The following USH2A variants were observed in gnomAD, a reference collection of about 807,000 sequenced individuals.
The protein encoded by USH2A is usherin, also known as Usher syndrome 2A (autosomal recessive, mild).
In USH2A, 443 loss-of-function variants were observed where a neutral mutation model predicts 538.9. The observed-to-expected ratio is 0.82, with a 90% CI of 0.76 to 0.89. The LOEUF (loss-of-function observed/expected upper bound fraction) is 0.89. Ranked by LOEUF, USH2A falls within the 40% of genes least tolerant of loss-of-function variation. The pLI is 0.00. For missense variants in USH2A, 6,633 were observed against 6,324.8 expected (o/e 1.05, Z -1.65); for synonymous variants, 2,413 against 2,273.5 (o/e 1.06, Z -1.75).
intron 31 of USH2A, 30 bp from the exon 32 acceptor site, chr1:216,046,622 T>A: frequency 4.3e-6 from 7 of 1,612,866 alleles, no homozygotes; most frequent in Non-Finnish European, 5.9e-6. Flanking sequence ...TAGAGTCTAA[T>A]TTTAGTTTAC....
At chr1:216,162,002 CT>C (rs2034068835) in intron 21 of USH2A, among the ~76,000 whole-genome samples, 2 of 151,988 alleles carry the variant, frequency 1.3e-5, no homozygotes, top group African/African-American at 4.8e-5. Context: ...AGCAATTTGA[CT>C]GTAATATACC....
chr1:216,174,304 A>G, intron 21 of USH2A: 1 of 975,814 alleles, frequency 1.0e-6, no homozygotes, highest in Non-Finnish European at 1.2e-6. Context: ...ATAATAATAT[A>G]TATCTTATAC....
intron 14 of USH2A, among the ~76,000 whole-genome samples, chr1:216,225,539 T>G (rs2035543181): frequency 1.3e-5 from 2 of 152,168 alleles, no homozygotes; most frequent in Admixed American, 1.3e-4. Context: ...CATATGGCCA[T>G]GGGAAGCTTT....
At position 215,900,594 on chromosome 1, in the gene USH2A, T is replaced by G. The variant is rs576940147; in HGVS notation, c.7451+161A>C. The G allele has an allele frequency of 2.2e-4, 221 of 998,138 alleles. No homozygotes were observed. The African/African-American group carries it at 3.3e-3, about 15-fold the overall frequency. The allele number at this position is 998,138 out of a possible 1,614,324, so 61.8% of individuals were successfully genotyped here. A position where few individuals can be genotyped will look rare whatever the true frequency, so the allele number is the denominator to read the frequency against. ...ATGCTACATAAATGAAAAATAGATA[T>G]TTTTGCAAAGCAAATGATTATCCTC... On this transcript the variant is annotated intron_variant, in intron 39 of 71. Coordinates refer to ENST00000307340, the MANE Select transcript of USH2A (RefSeq NM_206933.4).
intron 9 of USH2A, among the ~76,000 whole-genome samples, chr1:216,302,213 T>C (rs1458063921): frequency 6.6e-6 from 1 of 152,186 alleles, no homozygotes; most frequent in Non-Finnish European, 1.5e-5. Flanking sequence ...GCTTTGCACA[T>C]GGGAGGTGAT....
Position 215,625,351 on chromosome 1 carries a change from C to A in USH2A, c.*430G>T, listed in dbSNP as rs139661318. 635 of 241,032 alleles carry A rather than the reference C, an allele frequency of 2.6e-3. No homozygotes were observed. Among genetic ancestry groups the A allele is most frequent in the Non-Finnish European group, 4.0e-3 (482 of 121,786 alleles). 14.9% of individuals were successfully genotyped at this position (241,032 alleles called of 1,614,324 possible). A position where few individuals can be genotyped will look rare whatever the true frequency, so the allele number is the denominator to read the frequency against. ...ACTATTCTTGCAGGATTGTGTCAAC[C>A]CTGACAGAAATGGCAGATAGAAATG... On this transcript the variant is annotated 3_prime_UTR_variant, in exon 72 of 72. Transcript: ENST00000307340.
At chr1:215,845,626 G>T (rs1053331596) in intron 45 of USH2A, among the ~76,000 whole-genome samples, 198 bp downstream of exon 45, 32 of 152,170 alleles carry the variant, frequency 2.1e-4, no homozygotes, top group African/African-American at 7.0e-4. Flanking sequence ...CATTATTAGA[G>T]CTTGTGCTTC....
At chr1:215,822,291 A>G (rs1280360152) in intron 47 of USH2A, among the ~76,000 whole-genome samples, 1 of 151,732 alleles carries the variant, frequency 6.6e-6, no homozygotes, top group Non-Finnish European at 1.5e-5. Context: ...ATCTTACTCA[A>G]TTTCTTTCAT....
intron 50 of USH2A, among the ~76,000 whole-genome samples, chr1:215,795,923 C>T (rs546556884): frequency 3.1e-4 from 47 of 152,030 alleles, no homozygotes; most frequent in Admixed American, 6.5e-4. Flanking sequence ...TTAAAACTTA[C>T]GGCAGAAATT....
intron 41 of USH2A, among the ~76,000 whole-genome samples, chr1:215,883,821 A>T (rs775653115): frequency 3.9e-5 from 6 of 152,172 alleles, no homozygotes; most frequent in Non-Finnish European, 8.8e-5. Context: ...CATACTACAG[A>T]AAGTACCACC....
intron 4 of USH2A, among the ~76,000 whole-genome samples, chr1:216,360,250 C>T (rs2038466509): frequency 1.3e-5 from 2 of 151,972 alleles, no homozygotes; most frequent in Non-Finnish European, 2.9e-5. Flanking sequence ...ACCACCAAGC[C>T]ATGAAAGACA....
intron 4 of USH2A, among the ~76,000 whole-genome samples, chr1:216,355,351 GA>G (rs1473707525): frequency 1.3e-5 from 2 of 149,032 alleles, no homozygotes; most frequent in Admixed American, 1.4e-4. Flanking sequence ...AAGAAAGAAA[GA>G]AAGAAAGAAA....
chr1:215,643,531 T>C (rs1467790592), intron 67 of USH2A, among the ~76,000 whole-genome samples: 1 of 151,940 alleles, frequency 6.6e-6, no homozygotes, highest in Non-Finnish European at 1.5e-5. Flanking sequence ...AAATCCTTTT[T>C]TTTTTTTTCT....
At position 215,623,335 on chromosome 1, in the gene USH2A, G is replaced by A. The variant is rs1655870679; in HGVS notation, c.*2446C>T. 1 of 152,114 alleles carries A rather than the reference G, an allele frequency of 6.6e-6. No homozygotes were observed. Among genetic ancestry groups the A allele is most frequent in the African/African-American group, 2.4e-5 (1 of 41,430 alleles). 9.4% of individuals were successfully genotyped at this position (152,114 alleles called of 1,614,324 possible). ...GAGAAGGGGTGAGCCAAGGAGCATA[G>A]TCCCTGTGCATAGCATATTATTCCT... On this transcript the variant is annotated 3_prime_UTR_variant, in exon 72 of 72. Transcript: ENST00000307340.
In USH2A at chr1:216,369,165, T is replaced by C. The variant is rs151179140; in HGVS notation, c.652-4080A>G. 7.2e-5 allele frequency among the ~76,000 whole-genome samples: 11 copies of C among 152,300 alleles called. No homozygotes were observed. The South Asian group carries it at 1.9e-3, about 26-fold the overall frequency. On this transcript the variant is annotated intron_variant, in intron 3 of 71. Transcript: ENST00000307340. ...ATTGCCCTGAAATAGAAATTTCTAT[T>C]TCTAAGTGAAAGAAGGATTTGCATA... is the stretch of plus-strand genomic sequence containing the variant.
At chr1:216,408,927 A>C (rs1019278575) in intron 3 of USH2A, among the ~76,000 whole-genome samples, 3 of 152,140 alleles carry the variant, frequency 2.0e-5, no homozygotes, top group Non-Finnish European at 4.4e-5. Flanking sequence ...ATCACACTAC[A>C]CAGAACAGCA....
intron 4 of USH2A, among the ~76,000 whole-genome samples, chr1:216,354,066 C>T (rs2038336303): frequency 6.6e-6 from 1 of 152,028 alleles, no homozygotes; most frequent in African/African-American, 2.4e-5. Flanking sequence ...TAAGGAGGCC[C>T]CACCAGACAT....
chr1:215,878,038 C>T (rs536606916), intron 42 of USH2A, among the ~76,000 whole-genome samples, 158 bp from the exon 43 acceptor site: 10 of 151,742 alleles, frequency 6.6e-5, no homozygotes, highest in Admixed American at 3.3e-4. Flanking sequence ...TTCAGATGAA[C>T]GTTTTTTTTT....
chr1:216,023,159 C>T (rs890068318), intron 32 of USH2A, among the ~76,000 whole-genome samples: 3 of 151,970 alleles, frequency 2.0e-5, no homozygotes, highest in African/African-American at 7.2e-5. Context: ...TAGGAAAATT[C>T]AAGATAAATC....
Sources: gnomAD v4.1 joint callset for allele counts (sites outside exome capture counted in the v4.1 genomes callset) on GRCh38, gnomAD v4.1.1 for gene constraint, MANE v1.5 for transcripts, NCBI Gene and HGNC (gene_info 2026-07-23, HGNC 2026-07-21) for gene names.